NELFCD: variants seen among roughly 807,000 people sequenced by gnomAD.
NELFCD encodes the protein negative elongation factor complex member C/D.
In NELFCD, 48 loss-of-function variants were observed where a neutral mutation model predicts 72.9. The ratio of observed to expected loss-of-function variants is 0.66; its 90% CI spans 0.52 to 0.84. The LOEUF (loss-of-function observed/expected upper bound fraction) is 0.84. Ranked by LOEUF, NELFCD falls within the 40% of genes least tolerant of loss-of-function variation. The pLI is 0.00. For missense variants in NELFCD, 538 were observed against 723.8 expected (o/e 0.74, Z 2.94); for synonymous variants, 297 against 280.6 (o/e 1.06, Z -0.59).
rs574638909 is a variant in NELFCD at position 58,984,725 on chromosome 20, C to G, written c.61-1368C>G. Among the ~76,000 whole-genome samples, 14 of 152,266 alleles carry G rather than the reference C, an allele frequency of 9.2e-5. No homozygotes were observed. In the South Asian group the frequency reaches 2.3e-3, roughly 25 times the overall value. The stretch of plus-strand genomic sequence containing the variant: ...AGAATGGAATGTTGGATACCTGAGT[C>G]TGGAGCTTAAGAGAGGAAAGACGGA... On this transcript the variant is annotated intron_variant, in intron 1 of 14. Transcript: ENST00000652272.
In NELFCD at chr20:58,986,200, T is replaced by A. The variant is rs2091770830; in HGVS notation, c.168T>A (p.Thr56=). Residue 56 remains threonine (T), a synonymous_variant, in exon 2 of 15, where the codon ACT becomes ACA. Transcript: ENST00000652272. The surrounding 1 kb of genome is among the most constrained non-coding windows in gnomAD (Gnocchi z 4.4). The part of the protein sequence containing the change: ...DYIMEPSIFN[T]LKRYFQAGGS... ...TCATGGAACCCTCCATCTTCAACAC[T>A]CTGAAGAGGTATGTGAGAAAGGTGT... The A allele has an allele frequency of 6.3e-7, 1 of 1,596,396 alleles. No homozygotes were observed. The highest frequency in any genetic ancestry group is 8.6e-7 in the Non-Finnish European group (1 of 1,163,890).
rs371908338 is a variant in NELFCD at position 58,988,981 on chromosome 20, A to C, written c.464A>C (p.Glu155Ala). ...TWRDLFYKLAEAHPDCLMLNF... is the reference protein window; with the variant it reads ...TWRDLFYKLAAAHPDCLMLNF... ...CGGGACCTTTTTTATAAACTGGCTGAAGCCCATCCAGACTGTTTGATGCTG... is the reference window on the plus strand; with the variant it reads ...CGGGACCTTTTTTATAAACTGGCTGCAGCCCATCCAGACTGTTTGATGCTG... The change falls in exon 5 of 15, where the codon GAA becomes GCA. Residue 155 changes from glutamate to alanine, a missense_variant. Transcript: ENST00000652272. The C allele has an allele frequency of 6.2e-7, 1 of 1,614,100 alleles. No homozygotes were observed. The highest frequency in any genetic ancestry group is 1.3e-5 in the African/African-American group (1 of 75,052).
Position 58,990,961 on chromosome 20 carries a change from C to T in NELFCD, c.840C>T (p.Tyr280=). The T allele has an allele frequency of 6.2e-7, 1 of 1,614,202 alleles. No homozygotes were observed. The highest frequency in any genetic ancestry group is 1.1e-5 in the South Asian group (1 of 91,086). ...TAGCCTTGGGCACAGCTGCCTCCTA[C>T]CCCAGGGCCTGCCAGGCTCTCGGGG... is the stretch of plus-strand genomic sequence containing the variant. ...ITLALGTAAS[Y]PRACQALGAM... The change falls in exon 8 of 15, where the codon TAC becomes TAT. Residue 280 remains tyrosine, a synonymous_variant. Transcript: ENST00000652272.
chr20:58,987,044 C>G, intron 3 of NELFCD, 181 bp downstream of exon 3: 1 of 538,650 alleles, frequency 1.9e-6, no homozygotes. Flanking sequence ...TATCTGCTTG[C>G]CTCTTATCTT....
chr20:58,986,501 G>C lies in NELFCD; in HGVS notation c.177-253G>C. On this transcript the variant is annotated intron_variant, in intron 2 of 14. Coordinates refer to ENST00000652272, the MANE Select transcript of NELFCD (RefSeq NM_198976.4). The surrounding 1 kb of genome is among the most constrained non-coding windows in gnomAD (Gnocchi z 4.4). The stretch of plus-strand genomic sequence containing the variant: ...ACCACAGGCGTCTGCCATCATGCCT[G>C]GCTATTTTTGTTTTTGTTTTTTGGG... 1.8e-6 allele frequency: 1 copy of C among 557,590 alleles called. No individual in the cohort carries two copies. 34.5% of individuals were successfully genotyped at this position (557,590 alleles called of 1,614,324 possible). A position where few individuals can be genotyped will look rare whatever the true frequency, so the allele number is the denominator to read the frequency against.
chr20:58,987,585 A>T, intron 3 of NELFCD, 123 bp from the exon 4 acceptor site: 5 of 741,704 alleles, frequency 6.7e-6, no homozygotes, highest in Non-Finnish European at 1.1e-5. Flanking sequence ...CCTTACATGT[A>T]TAAGTGGTCA....
Position 58,991,417 on chromosome 20 carries a change from G to T in NELFCD, c.1060G>T (p.Ala354Ser), listed in dbSNP as rs372815228. The change falls in exon 9 of 15, where the codon GCA becomes TCA. Residue 354 changes from alanine (A) to serine (S), a missense_variant. Coordinates refer to ENST00000652272, the MANE Select transcript of NELFCD (RefSeq NM_198976.4). Reference sequence around the variant, plus strand: ...CAAATACATCCACATCTTGGCGTACGCAGCAAGCGTGGTTGAGACCTGGAA... The same window carrying T: ...CAAATACATCCACATCTTGGCGTACTCAGCAAGCGTGGTTGAGACCTGGAA... ...KHKYIHILAYAASVVETWKKN... is the reference protein window; with the variant it reads ...KHKYIHILAYSASVVETWKKN... The T allele has an allele frequency of 2.5e-6, 4 of 1,614,240 alleles. No individual in the cohort carries two copies. The highest frequency in any genetic ancestry group is 3.4e-6 in the Non-Finnish European group (4 of 1,180,048).
rs1038705346 is a variant in NELFCD, at chr20:58,991,059, C to G, written c.938C>G (p.Pro313Arg). 1.2e-6 allele frequency: 2 copies of G among 1,612,814 alleles called. No homozygotes were observed. Among genetic ancestry groups the G allele is most frequent in the African/African-American group, 2.7e-5 (2 of 74,884 alleles). The change falls in exon 8 of 15, where the codon CCT (proline) becomes CGT (arginine). Residue 313 changes from proline to arginine, a missense_variant. Physicochemically the swap from Pro to Arg is moderately radical, Grantham distance 103. This residue lies in a region of NELFCD where 355 missense variants were observed against 534.5 expected (regional missense o/e 0.66). Transcript: ENST00000652272. ...TTCAAGATGTTCACAAGCATGGACC[C>G]TCCTCCGGTTGAACTTGTAAGTTGC... ...VLFKMFTSMDPPPVELIRVPA... is the reference protein window; with the variant it reads ...VLFKMFTSMDRPPVELIRVPA...
In NELFCD at chr20:58,986,491, C is replaced by T. The variant is rs1374309495; in HGVS notation, c.177-263C>T. ...CAAGGTGGCCACCACAGGCGTCTGC[C>T]ATCATGCCTGGCTATTTTTGTTTTT... On this transcript the variant is annotated intron_variant, in intron 2 of 14. Coordinates refer to ENST00000652272, the MANE Select transcript of NELFCD (RefSeq NM_198976.4). The surrounding 1 kb of genome is among the most constrained non-coding windows in gnomAD (Gnocchi z 4.4). The T allele has an allele frequency of 7.2e-6, 4 of 556,812 alleles. No homozygotes were observed. The highest frequency in any genetic ancestry group is 6.3e-6 in the Non-Finnish European group (2 of 318,018). 34.5% of individuals were successfully genotyped at this position (556,812 alleles called of 1,614,324 possible).
Position 58,986,472 on chromosome 20 carries a change from G to A in NELFCD, c.176+264G>A. The stretch of plus-strand genomic sequence containing the variant: ...TTCTCCCACCTCAGCCTTGCAAGGT[G>A]GCCACCACAGGCGTCTGCCATCATG... On this transcript the variant is annotated intron_variant, in intron 2 of 14. Transcript: ENST00000652272. This position sits in a 1 kb window ranked among gnomAD's most constrained non-coding sequence, Gnocchi z 4.4. 3.6e-6 allele frequency: 2 copies of A among 549,492 alleles called. No homozygotes were observed. Among genetic ancestry groups the A allele is most frequent in the Non-Finnish European group, 6.4e-6 (2 of 314,446 alleles). The allele number at this position is 549,492 out of a possible 1,614,324, so 34.0% of individuals were successfully genotyped here.
In NELFCD at chr20:58,986,361, T is replaced by TG. The variant is rs371159691; in HGVS notation, c.176+153_176+154insG. 3,972 of 577,158 alleles carry TG rather than the reference T, an allele frequency of 6.9e-3. No individual in the cohort carries two copies. Among genetic ancestry groups the TG allele is most frequent in the East Asian group, 0.01 (358 of 34,258 alleles). 35.8% of individuals were successfully genotyped at this position (577,158 alleles called of 1,614,324 possible). On this transcript the variant is annotated intron_variant, in intron 2 of 14. Transcript: ENST00000652272. The surrounding 1 kb of genome is among the most constrained non-coding windows in gnomAD (Gnocchi z 4.4). Reference sequence around the variant, plus strand: ...TCCCCTCTGCCACTTTTTTTTTTTTTTTAAATTTTTTTAAGACAGAGTCTT... The same window carrying TG: ...TCCCCTCTGCCACTTTTTTTTTTTTTGTTAAATTTTTTTAAGACAGAGTCTT...
Position 58,986,076 on chromosome 20 carries a change from T to C in NELFCD, c.61-17T>C. 9.6e-6 allele frequency: 15 copies of C among 1,561,202 alleles called. No individual in the cohort carries two copies. The highest frequency in any genetic ancestry group is 1.3e-5 in the African/African-American group (1 of 74,074). On this transcript the variant is annotated splice_polypyrimidine_tract_variant and intron_variant, in intron 1 of 14. Coordinates refer to ENST00000652272, the MANE Select transcript of NELFCD (RefSeq NM_198976.4). The surrounding 1 kb of genome is among the most constrained non-coding windows in gnomAD (Gnocchi z 4.4). ...ATTAATGAAAAAAATATCCTGGCTC[T>C]TCGCATTTACCAACAGCAGGAGGAT... is the stretch of plus-strand genomic sequence containing the variant.
chr20:58,990,836 A>G (rs1364209624), intron 7 of NELFCD, 74 bp from the exon 8 acceptor site: 1 of 1,312,064 alleles, frequency 7.6e-7, no homozygotes, highest in Non-Finnish European at 1.1e-6. Context: ...AATGCAAAGT[A>G]TTATATGTGT....
At chr20:58,988,721 G>A (rs545090274) in intron 4 of NELFCD, among the ~76,000 whole-genome samples, 193 bp from the exon 5 acceptor site, 6 of 152,258 alleles carry the variant, frequency 3.9e-5, no homozygotes, top group Non-Finnish European at 8.8e-5. Context: ...AAAGCTGAGC[G>A]GGCATCTAGG....
chr20:58,993,857 A>C lies in NELFCD; in HGVS notation c.1581+93A>C. The stretch of plus-strand genomic sequence containing the variant: ...TTAGTTCATTTTGTACCTAACTGAG[A>C]ACTGTGCTTTCTGATGTAGTGATGA... On this transcript the variant is annotated intron_variant, in intron 13 of 14. Coordinates refer to ENST00000652272, the MANE Select transcript of NELFCD (RefSeq NM_198976.4). The surrounding 1 kb of genome is among the most constrained non-coding windows in gnomAD (Gnocchi z 5.0). The C allele has an allele frequency of 1.4e-6, 2 of 1,410,124 alleles. No individual in the cohort carries two copies. The highest frequency in any genetic ancestry group is 2.5e-5 in the South Asian group (2 of 79,042). The allele number at this position is 1,410,124 out of a possible 1,614,324, so 87.4% of individuals were successfully genotyped here.
intron 10 of NELFCD, 136 bp from the exon 11 acceptor site, chr20:58,992,862 A>AAG: frequency 1.6e-6 from 1 of 620,230 alleles, no homozygotes; most frequent in East Asian, 2.8e-5. Flanking sequence ...AAAAAAAAAA[A>AAG]AAAAGGGTTG....
chr20:58,981,984 G>A (rs2091736968), intron 1 of NELFCD, among the ~76,000 whole-genome samples: 2 of 152,014 alleles, frequency 1.3e-5, no homozygotes, highest in South Asian at 4.1e-4. Flanking sequence ...CTGAGGACAG[G>A]GACTGCAGAG....
chr20:58,991,541 G>A, intron 9 of NELFCD, 95 bp downstream of exon 9: 6 of 1,409,568 alleles, frequency 4.3e-6, no homozygotes, highest in Non-Finnish European at 5.9e-6. Context: ...AAGAAATCTT[G>A]ACCCTCCCTA....
At position 58,986,587 on chromosome 20, in the gene NELFCD, C is replaced by G; in HGVS notation, c.177-167C>G. ...TGAACTCCTAGGCTCAAGTGATTCTCCCACCTCTGCCTCCCAAAGTGCTGG... is the reference window on the plus strand; with the variant it reads ...TGAACTCCTAGGCTCAAGTGATTCTGCCACCTCTGCCTCCCAAAGTGCTGG... On this transcript the variant is annotated intron_variant, in intron 2 of 14. Transcript: ENST00000652272. The surrounding 1 kb of genome is among the most constrained non-coding windows in gnomAD (Gnocchi z 4.4). 1.5e-6 allele frequency: 1 copy of G among 661,124 alleles called. No individual in the cohort carries two copies. The allele number at this position is 661,124 out of a possible 1,614,324, so 41.0% of individuals were successfully genotyped here. A position where few individuals can be genotyped will look rare whatever the true frequency, so the allele number is the denominator to read the frequency against.
Sources: gnomAD v4.1 joint callset for allele counts (sites outside exome capture counted in the v4.1 genomes callset) on GRCh38, gnomAD v4.1.1 for gene constraint, gnomAD v4.1.1 regional missense constraint, Gnocchi (gnomAD v3.1) non-coding constraint, MANE v1.5 for transcripts, NCBI Gene and HGNC (gene_info 2026-07-23, HGNC 2026-07-21) for gene names.